Variants in ZRANB2 observed in about 807,000 individuals in gnomAD.
ZRANB2 encodes the protein zinc finger RANBP2-type containing 2.
Under a neutral mutation model 53.4 loss-of-function variants are expected in ZRANB2, and 19 were observed. The observed-to-expected ratio is 0.36, with a 90% CI of 0.25 to 0.52. The LOEUF (loss-of-function observed/expected upper bound fraction) is 0.52, where lower values mean the gene tolerates loss of function less well. ZRANB2 is among the 20% of genes least tolerant of loss of function. The pLI is 0.93. For synonymous variants in ZRANB2, 145 were observed against 134.8 expected (o/e 1.08, Z -0.52); for missense variants, 309 against 401.1 (o/e 0.77, Z 1.96).
intron 9 of ZRANB2, chr1:71,065,969 A>G: frequency 3.7e-6 from 2 of 544,512 alleles, no homozygotes; most frequent in Non-Finnish European, 6.2e-6. Flanking sequence ...AGCAAAACTA[A>G]TCATTCTGTA....
chr1:71,074,364 T>G (rs181453528), intron 4 of ZRANB2, among the ~76,000 whole-genome samples: 8 of 152,274 alleles, frequency 5.3e-5, no homozygotes, highest in Admixed American at 5.2e-4. Flanking sequence ...GAATATATTT[T>G]CAAATTTGTC....
At chr1:71,077,507 G>A (rs970091738) in intron 3 of ZRANB2, among the ~76,000 whole-genome samples, 5 of 152,096 alleles carry the variant, frequency 3.3e-5, no homozygotes, top group Non-Finnish European at 7.3e-5. Flanking sequence ...ATCTGTAGCT[G>A]GAAACTTTTC....
At chr1:71,072,023 A>T (rs768037912) in intron 6 of ZRANB2, 98 bp downstream of exon 6, 587 of 1,479,148 alleles carry the variant, frequency 4.0e-4, no homozygotes, top group Non-Finnish European at 5.2e-4. Context: ...GAAAACACAG[A>T]ATATATTTTC....
At chr1:71,067,495 A>C (rs938481213) in intron 8 of ZRANB2, 4 of 303,202 alleles carry the variant, frequency 1.3e-5, no homozygotes, top group Admixed American at 1.1e-4. Context: ...TTATATTTAC[A>C]ATACTATTTT....
At chr1:71,072,821 AT>A (rs1661623930) in intron 4 of ZRANB2, among the ~76,000 whole-genome samples, 4 of 152,130 alleles carry the variant, frequency 2.6e-5, no homozygotes, top group African/African-American at 9.6e-5. Flanking sequence ...GGTGGAAAAC[AT>A]CTCAAACTTC....
intron 4 of ZRANB2, among the ~76,000 whole-genome samples, chr1:71,075,135 T>C (rs1334249138): frequency 6.6e-6 from 1 of 152,172 alleles, no homozygotes; most frequent in Non-Finnish European, 1.5e-5. Flanking sequence ...GACTTTATCC[T>C]AAAAGCAATC....
intron 8 of ZRANB2, 111 bp downstream of exon 8, chr1:71,069,164 TA>T: frequency 1.2e-6 from 1 of 812,360 alleles, no homozygotes; most frequent in Non-Finnish European, 1.9e-6. Context: ...TTTCTAATGC[TA>T]AAATAAAATC....
rs1557791936 is a variant in ZRANB2, at chr1:71,070,954, C to G, written c.556G>C (p.Asp186His). ...TTACTATCTTCTTCTTCACTGGCAT[C>G]AAGATTATATTTTGAGAGATCAGCG... ...DDADLSKYNL[D>H]ASEEEDSNKK... The change falls in exon 7 of 10, where the codon GAT becomes CAT. Residue 186 changes from aspartate to histidine, a missense_variant. Coordinates refer to ENST00000370920, the MANE Select transcript of ZRANB2 (RefSeq NM_203350.3). The G allele has an allele frequency of 6.2e-7, 1 of 1,608,188 alleles. No individual in the cohort carries two copies.
chr1:71,080,094 A>T (rs1488483201), intron 1 of ZRANB2, among the ~76,000 whole-genome samples: 1 of 152,152 alleles, frequency 6.6e-6, no homozygotes, highest in Non-Finnish European at 1.5e-5. Flanking sequence ...TTACAATCAA[A>T]ACCTATTTGT....
chr1:71,065,950 A>G (rs982212839), intron 9 of ZRANB2: 6 of 680,392 alleles, frequency 8.8e-6, no homozygotes, highest in Non-Finnish European at 1.4e-5. Flanking sequence ...AAACTCCAAA[A>G]TGTGAAGAAG....
intron 8 of ZRANB2, among the ~76,000 whole-genome samples, chr1:71,068,008 C>T (rs538864878): frequency 1.3e-5 from 2 of 151,966 alleles, no homozygotes; most frequent in South Asian, 2.1e-4. Flanking sequence ...TATAAGAACA[C>T]ACCACCATGC....
chr1:71,065,959 A>T (rs1246337573), intron 9 of ZRANB2: 2 of 590,004 alleles, frequency 3.4e-6, no homozygotes, highest in Non-Finnish European at 5.6e-6. Context: ...AATGTGAAGA[A>T]GCAAAACTAA....
In ZRANB2 at chr1:71,063,892, C is replaced by T. The variant is rs1333824588; in HGVS notation, c.*1182G>A. ...AATCAATATCCCATAACAAAAAGCC[C>T]CCAAGCACAACTGTTGATTTCCTTT... On this transcript the variant is annotated 3_prime_UTR_variant, in exon 10 of 10. Coordinates refer to ENST00000370920, the MANE Select transcript of ZRANB2 (RefSeq NM_203350.3). The T allele has an allele frequency of 2.0e-5, 3 of 152,200 alleles. No homozygotes were observed. The highest frequency in any genetic ancestry group is 7.3e-5 in the African/African-American group (3 of 41,366). 9.4% of individuals were successfully genotyped at this position (152,200 alleles called of 1,614,324 possible). A position where few individuals can be genotyped will look rare whatever the true frequency, so the allele number is the denominator to read the frequency against.
chr1:71,069,147 C>T, intron 8 of ZRANB2, 129 bp downstream of exon 8: 1 of 647,066 alleles, frequency 1.5e-6, no homozygotes, highest in African/African-American at 1.9e-5. Context: ...GAGGCAAGTG[C>T]ATTAGTTTTC....
Position 71,078,668 on chromosome 1 carries a change from G to A in ZRANB2, c.97C>T (p.Arg33Ter). The A allele has an allele frequency of 1.9e-6, 3 of 1,613,024 alleles. No individual in the cohort carries two copies. The highest frequency in any genetic ancestry group is 2.5e-6 in the Non-Finnish European group (3 of 1,179,272). Reference protein sequence around the residue: ...VNFARRTSCNRCGREKTTEAK... With the variant: ...VNFARRTSCN ...TTTAAATACTTACCCCGACCACATC[G>A]ATTACAGCTGGTTCTTCTAGCAAAG... The change falls in exon 2 of 10, where the codon CGA (arginine) becomes TGA (stop). Residue 33 changes from arginine (R) to a stop codon, truncating the protein, a stop_gained. Transcript: ENST00000370920. LOFTEE classifies it high-confidence loss of function.
intron 4 of ZRANB2, among the ~76,000 whole-genome samples, chr1:71,076,178 G>C (rs1466240833): frequency 6.6e-6 from 1 of 152,182 alleles, no homozygotes; most frequent in Non-Finnish European, 1.5e-5. Flanking sequence ...GCTAATTGGT[G>C]ATAATGGAAA....
At chr1:71,079,791 A>G (rs771703757) in intron 1 of ZRANB2, among the ~76,000 whole-genome samples, 3 of 152,204 alleles carry the variant, frequency 2.0e-5, no homozygotes, top group Admixed American at 2.0e-4. Context: ...TGTTGTTCTA[A>G]ATCTTTTGAA....
At chr1:71,067,719 G>GA in intron 8 of ZRANB2, 1 of 420,806 alleles carries the variant, frequency 2.4e-6, no homozygotes, top group South Asian at 1.8e-5. Flanking sequence ...TACAAGCAAT[G>GA]AAAAAATGTT....
intron 7 of ZRANB2, among the ~76,000 whole-genome samples, chr1:71,069,806 C>G (rs534674095): frequency 1.8e-3 from 268 of 151,970 alleles, no homozygotes; most frequent in Middle Eastern, 3.4e-3. Flanking sequence ...GTATTTCATC[C>G]CTATATTTTT....
Sources: gnomAD v4.1 joint callset for allele counts (sites outside exome capture counted in the v4.1 genomes callset) on GRCh38, gnomAD v4.1.1 for gene constraint, MANE v1.5 for transcripts, NCBI Gene and HGNC (gene_info 2026-07-23, HGNC 2026-07-21) for gene names.